The following SNRNP200 variants were observed in gnomAD, a reference collection of about 807,000 sequenced individuals.
The protein encoded by SNRNP200 is U5 small nuclear ribonucleoprotein 200 kDa helicase.
SNRNP200 carries 66 observed loss-of-function variants against 255.2 expected under a neutral mutation model. The ratio of observed to expected loss-of-function variants is 0.26; its 90% CI spans 0.21 to 0.32. The LOEUF is 0.32. Ranked by LOEUF, SNRNP200 falls within the 10% of genes least tolerant of loss-of-function variation. SNRNP200 has a pLI of 1.00. For missense variants in SNRNP200, 1,585 were observed against 2,749.8 expected (o/e 0.58, Z 9.47); for synonymous variants, 939 against 1,027.8 (o/e 0.91, Z 1.65).
In SNRNP200 at chr2:96,291,303, T is replaced by C; in HGVS notation, c.2421+89A>G. The C allele has an allele frequency of 1.2e-6, 1 of 829,920 alleles. No homozygotes were observed. Among genetic ancestry groups the C allele is most frequent in the Non-Finnish European group, 2.1e-6 (1 of 467,586 alleles). The allele number at this position is 829,920 out of a possible 1,614,324, so 51.4% of individuals were successfully genotyped here. On this transcript the variant is annotated intron_variant, in intron 18 of 44. Coordinates refer to ENST00000323853, the MANE Select transcript of SNRNP200 (RefSeq NM_014014.5). The surrounding 1 kb of genome is among the most constrained non-coding windows in gnomAD (Gnocchi z 4.2). ...GCTAGCTGGGCCAGAAGCAATAAAG[T>C]ACCAGGAGCAAACATGGCACAAACT...
At chr2:96,296,796 C>T in intron 12 of SNRNP200, 105 bp from the exon 13 acceptor site, 1 of 1,504,962 alleles carries the variant, frequency 6.6e-7, no homozygotes, top group Non-Finnish European at 9.2e-7. Flanking sequence ...TTGTCCTGGG[C>T]ACTTTATCCT....
At chr2:96,296,895 A>G (rs377596161) in intron 12 of SNRNP200, 38 bp downstream of exon 12, 17 of 1,613,982 alleles carry the variant, frequency 1.1e-5, no homozygotes, top group African/African-American at 8.0e-5. Flanking sequence ...ACTCCACACC[A>G]TATTCTACAA....
chr2:96,293,513 C>G lies in SNRNP200; in HGVS notation c.1843-4G>C. 6.2e-7 allele frequency: 1 copy of G among 1,611,898 alleles called. No individual in the cohort carries two copies. The highest frequency in any genetic ancestry group is 1.1e-5 in the South Asian group (1 of 91,000). On this transcript the variant is annotated splice_polypyrimidine_tract_variant and splice_region_variant and intron_variant, in intron 14 of 44. Transcript: ENST00000323853. ...CGTGGAGAAGATGAATCTCATCCTA[C>G]GGAATTGGAGGACAGAAATTACCTC...
intron 13 of SNRNP200, 31 bp downstream of exon 13, chr2:96,296,505 T>C: frequency 6.2e-7 from 1 of 1,612,190 alleles, no homozygotes. Flanking sequence ...GTGCACCCAG[T>C]ATCCTCTGCA....
intron 1 of SNRNP200, 21 bp from the exon 2 acceptor site, chr2:96,304,889 T>C (rs983339132): frequency 3.7e-6 from 6 of 1,611,134 alleles, no homozygotes; most frequent in Non-Finnish European, 4.2e-6. Flanking sequence ...CAAAACATTA[T>C]TGAAGCTTTG....
intron 31 of SNRNP200, 105 bp from the exon 32 acceptor site, chr2:96,284,109 T>C (rs2063825944): frequency 7.0e-6 from 8 of 1,141,250 alleles, no homozygotes; most frequent in Non-Finnish European, 1.0e-5. Context: ...GACCTCATTC[T>C]TCCTTCTAAC....
intron 31 of SNRNP200, 40 bp downstream of exon 31, chr2:96,284,318 A>C (rs765551612): frequency 1.3e-6 from 2 of 1,558,228 alleles, no homozygotes; most frequent in Admixed American, 1.7e-5. Context: ...CCACTTGGTC[A>C]GTCCCAGTCC....
At position 96,292,401 on chromosome 2, in the gene SNRNP200, C is replaced by T. The variant is rs1045825714; in HGVS notation, c.2161-501G>A. ...AATTCATATGCTTCTTTTCATCAGACAAAAAGAAATACAAAACCAGTCACT... is the reference window on the plus strand; with the variant it reads ...AATTCATATGCTTCTTTTCATCAGATAAAAAGAAATACAAAACCAGTCACT... On this transcript the variant is annotated intron_variant, in intron 16 of 44. Coordinates refer to ENST00000323853, the MANE Select transcript of SNRNP200 (RefSeq NM_014014.5). Among the ~76,000 whole-genome samples, 10 of 152,166 alleles carry T rather than the reference C, an allele frequency of 6.6e-5. 1 individual carries two copies. The highest frequency in any genetic ancestry group is 2.9e-5 in the Non-Finnish European group (2 of 68,008).
At chr2:96,296,405 TA>T in intron 13 of SNRNP200, 130 bp downstream of exon 13, 2 of 941,562 alleles carry the variant, frequency 2.1e-6, no homozygotes, top group Non-Finnish European at 3.3e-6. Context: ...GAGAGAAAAA[TA>T]AAAAATAACA....
chr2:96,290,037 T>G lies in SNRNP200; in HGVS notation c.2743-41A>C. The G allele has an allele frequency of 1.9e-6, 3 of 1,585,644 alleles. No individual in the cohort carries two copies. The highest frequency in any genetic ancestry group is 2.6e-6 in the Non-Finnish European group (3 of 1,154,296). On this transcript the variant is annotated intron_variant, in intron 20 of 44. Coordinates refer to ENST00000323853, the MANE Select transcript of SNRNP200 (RefSeq NM_014014.5). The surrounding 1 kb of genome is among the most constrained non-coding windows in gnomAD (Gnocchi z 4.5). ...CATGGTTCTTAGCATGGAGAAACTC[T>G]TGATGTCCAAATGACAGGCTCCCAT...
In SNRNP200 at chr2:96,283,532, T is replaced by C; in HGVS notation, c.4763+3A>G. Reference sequence around the variant, plus strand: ...CAACCCCCAGACGCCAGGCCCCACCTACCTCTGCCGTTGGATGTCTGCTGC... The same window carrying C: ...CAACCCCCAGACGCCAGGCCCCACCCACCTCTGCCGTTGGATGTCTGCTGC... On this transcript the variant is annotated splice_donor_region_variant and intron_variant, in intron 33 of 44. Transcript: ENST00000323853. The surrounding 1 kb of genome is among the most constrained non-coding windows in gnomAD (Gnocchi z 4.7). 1 of 1,614,098 alleles carries C rather than the reference T, an allele frequency of 6.2e-7. No individual in the cohort carries two copies. The highest frequency in any genetic ancestry group is 8.5e-7 in the Non-Finnish European group (1 of 1,180,016).
chr2:96,293,600 A>AGGTT, intron 14 of SNRNP200, 91 bp from the exon 15 acceptor site: 26 of 1,190,110 alleles, frequency 2.2e-5, no homozygotes, highest in Non-Finnish European at 2.8e-5. Context: ...CATATAACCT[A>AGGTT]ATATGCCTAA....
Position 96,274,638 on chromosome 2 carries a change from C to A in SNRNP200, c.*374G>T. ...TCCTCCAGACATACTCATTAACAAGCACGTTCCTGGCTAAAAAATAACCAG... is the reference window on the plus strand; with the variant it reads ...TCCTCCAGACATACTCATTAACAAGAACGTTCCTGGCTAAAAAATAACCAG... On this transcript the variant is annotated 3_prime_UTR_variant, in exon 45 of 45. Transcript: ENST00000323853. 2.9e-6 allele frequency: 1 copy of A among 350,590 alleles called. No homozygotes were observed. Among genetic ancestry groups the A allele is most frequent in the Non-Finnish European group, 5.5e-6 (1 of 180,972 alleles). The allele number at this position is 350,590 out of a possible 1,614,324, so 21.7% of individuals were successfully genotyped here.
rs931782390 is a variant in SNRNP200 at position 96,293,348 on chromosome 2, G to A, written c.2004C>T (p.Asp668=). Residue 668 remains aspartate (D), a synonymous_variant, in exon 15 of 45, where the codon GAC becomes GAT. Transcript: ENST00000323853. ...CAAAGTAAAAGAGACCCTTGGCAGG[G>A]TCAACACGTAGAAAGGTGGCTACAT... ...YEDVATFLRV[D]PAKGLFYFDN... 1.9e-6 allele frequency: 3 copies of A among 1,614,074 alleles called. No homozygotes were observed. Among genetic ancestry groups the A allele is most frequent in the Non-Finnish European group, 2.5e-6 (3 of 1,180,044 alleles).
At chr2:96,295,679 C>G in intron 13 of SNRNP200, 21 bp from the exon 14 acceptor site, 1 of 1,612,358 alleles carries the variant, frequency 6.2e-7, no homozygotes, top group Non-Finnish European at 8.5e-7. Context: ...AAAACTACAT[C>G]AGGCAGGAAT....
chr2:96,284,322 CCAGTCCCT>C, intron 31 of SNRNP200, 28 bp downstream of exon 31: 1 of 1,574,966 alleles, frequency 6.3e-7, no homozygotes, highest in Non-Finnish European at 8.7e-7. Context: ...TTGGTCAGTC[CCAGTCCCT>C]CATCTGTGCT....
intron 14 of SNRNP200, among the ~76,000 whole-genome samples, chr2:96,295,101 G>A (rs1344554321): frequency 6.6e-6 from 1 of 151,980 alleles, no homozygotes; most frequent in African/African-American, 2.4e-5. Flanking sequence ...TCCAGCTACA[G>A]GGGAGGCTGA....
chr2:96,283,475 T>C lies in SNRNP200; in HGVS notation c.4763+60A>G. 1 of 1,613,064 alleles carries C rather than the reference T, an allele frequency of 6.2e-7. No individual in the cohort carries two copies. The highest frequency in any genetic ancestry group is 1.1e-5 in the South Asian group (1 of 91,026). ...CCCCACCCTCATAAAGAGGACACCC[T>C]TGGAGTAGGCCAGCCTCACTTAACC... is the stretch of plus-strand genomic sequence containing the variant. On this transcript the variant is annotated intron_variant, in intron 33 of 44. Coordinates refer to ENST00000323853, the MANE Select transcript of SNRNP200 (RefSeq NM_014014.5). This position sits in a 1 kb window ranked among gnomAD's most constrained non-coding sequence, Gnocchi z 4.7.
At chr2:96,288,858 G>T in intron 23 of SNRNP200, 112 bp from the exon 24 acceptor site, 1 of 1,059,622 alleles carries the variant, frequency 9.4e-7, no homozygotes, top group Non-Finnish European at 1.5e-6. Context: ...TACAGGTCTT[G>T]ATTTACAAAT....
Sources: allele counts gnomAD v4.1 joint callset (sites outside exome capture counted in the v4.1 genomes callset), GRCh38; gene constraint gnomAD v4.1.1; non-coding constraint Gnocchi (gnomAD v3.1); transcripts MANE v1.5; gene names NCBI Gene and HGNC (gene_info 2026-07-23, HGNC 2026-07-21).